The following VSNL1 variants were observed in gnomAD, a reference collection of about 807,000 sequenced individuals.
VSNL1 encodes visinin like 1.
VSNL1 carries 6 observed loss-of-function variants against 20.4 expected under a neutral mutation model. The observed-to-expected ratio is 0.29, with a 90% CI of 0.16 to 0.58. VSNL1 has a LOEUF of 0.58. VSNL1 is among the 20% of genes least tolerant of loss of function. The pLI is 0.90. For missense variants in VSNL1, 100 were observed against 234.5 expected, an observed-to-expected ratio of 0.43 and a Z score of 3.75; for synonymous variants, 93 against 86.4, an observed-to-expected ratio of 1.08 and a Z score of -0.42.
chr2:17,544,418 C>T (rs939830786), intron 1 of VSNL1, among the ~76,000 whole-genome samples: 2 of 152,072 alleles, frequency 1.3e-5, no homozygotes, highest in African/African-American at 2.4e-5. Context: ...TGCAGAGATG[C>T]GGAGATTTGT....
At chr2:17,628,895 C>T (rs1485593783) in intron 2 of VSNL1, among the ~76,000 whole-genome samples, 3 of 152,222 alleles carry the variant, frequency 2.0e-5, no homozygotes, top group African/African-American at 7.2e-5. Flanking sequence ...TGATCTCATT[C>T]TCTCCTCTGC....
upstream of VSNL1, chr2:17,540,674 C>G (rs1017158912): frequency 6.6e-6 from 1 of 152,620 alleles, no homozygotes; most frequent in African/African-American, 2.4e-5. Context: ...TCCAGGGACC[C>G]TAGGTTTTCT....
intron 2 of VSNL1, among the ~76,000 whole-genome samples, chr2:17,614,628 C>G (rs1665173164): frequency 6.6e-6 from 1 of 152,202 alleles, no homozygotes; most frequent in African/African-American, 2.4e-5. Flanking sequence ...GGGTCAGATC[C>G]AGGGCATTTT....
At chr2:17,604,102 C>A (rs185392769) in intron 2 of VSNL1, among the ~76,000 whole-genome samples, 1 of 152,192 alleles carries the variant, frequency 6.6e-6, no homozygotes, top group Non-Finnish European at 1.5e-5. Context: ...AGGTGAGCTG[C>A]GGCCTTGGGA....
chr2:17,649,399 C>T lies in VSNL1; in HGVS notation c.163-11C>T. 6.2e-7 allele frequency: 1 copy of T among 1,613,998 alleles called. No homozygotes were observed. The highest frequency in any genetic ancestry group is 1.3e-5 in the African/African-American group (1 of 75,054). The stretch of plus-strand genomic sequence containing the variant: ...CTCCCGACACCTGACTGCGCGTGTT[C>T]TCCTTTGCAGTTCTTTCCTTATGGA... On this transcript the variant is annotated splice_polypyrimidine_tract_variant and intron_variant, in intron 2 of 3. Coordinates refer to ENST00000295156, the MANE Select transcript of VSNL1 (RefSeq NM_003385.5). This position sits in a 1 kb window ranked among gnomAD's most constrained non-coding sequence, Gnocchi z 6.4.
intron 2 of VSNL1, among the ~76,000 whole-genome samples, chr2:17,608,970 G>C (rs1375810408): frequency 6.6e-6 from 1 of 152,154 alleles, no homozygotes; most frequent in Non-Finnish European, 1.5e-5. Context: ...GTGCGTGTGT[G>C]TCTGATTTTC....
chr2:17,587,469 C>T (rs1230840430), intron 1 of VSNL1, among the ~76,000 whole-genome samples: 2 of 152,094 alleles, frequency 1.3e-5, no homozygotes, highest in Non-Finnish European at 2.9e-5. Flanking sequence ...CTTCTTGGCT[C>T]CCTTGTAGGC....
chr2:17,548,373 C>T (rs1663448131), intron 1 of VSNL1, among the ~76,000 whole-genome samples: 1 of 152,058 alleles, frequency 6.6e-6, no homozygotes. Context: ...AAAAGGACAT[C>T]TTTTTCTCTT....
intron 1 of VSNL1, among the ~76,000 whole-genome samples, chr2:17,556,920 T>A (rs944632961): frequency 4.6e-5 from 7 of 152,204 alleles, no homozygotes; most frequent in Non-Finnish European, 8.8e-5. Flanking sequence ...GTTTAGTCAT[T>A]CAAGGTCTTT....
Position 17,655,471 on chromosome 2 carries a change from ACAC to A in VSNL1, c.*78_*80del, listed in dbSNP as rs1274984243. 2 of 972,424 alleles carry A rather than the reference ACAC, an allele frequency of 2.1e-6. No homozygotes were observed. The highest frequency in any genetic ancestry group is 3.0e-6 in the Non-Finnish European group (2 of 659,020). The allele number at this position is 972,424 out of a possible 1,614,324, so 60.2% of individuals were successfully genotyped here. ...TGCAGCTATTCACACACACACACAC[ACAC>A]ACACACACACACACACACACACACA... On this transcript the variant is annotated 3_prime_UTR_variant, in exon 4 of 4. Transcript: ENST00000295156. This position sits in a 1 kb window ranked among gnomAD's most constrained non-coding sequence, Gnocchi z 5.2.
chr2:17,541,787 G>A (rs918046705), intron 1 of VSNL1: 1 of 152,204 alleles, frequency 6.6e-6, no homozygotes, highest in African/African-American at 2.4e-5. Flanking sequence ...TCTTTGCAAG[G>A]TCAAACCCCG....
chr2:17,632,481 A>G lies in VSNL1; in HGVS notation c.163-16929A>G, dbSNP rs937632262. 2.6e-5 allele frequency among the ~76,000 whole-genome samples: 4 copies of G among 151,898 alleles called. No individual in the cohort carries two copies. The East Asian group carries it at 7.7e-4, about 29-fold the overall frequency. ...ACACCCAGCTAATTTTTGTATTTTT[A>G]GTAGAGATGGAGTTTCACCATGTTG... On this transcript the variant is annotated intron_variant, in intron 2 of 3. Coordinates refer to ENST00000295156, the MANE Select transcript of VSNL1 (RefSeq NM_003385.5).
At chr2:17,554,373 T>C (rs1421557400) in intron 1 of VSNL1, among the ~76,000 whole-genome samples, 1 of 152,210 alleles carries the variant, frequency 6.6e-6, no homozygotes, top group African/African-American at 2.4e-5. Flanking sequence ...TAAAGTCATT[T>C]ATTTGAATTT....
chr2:17,635,540 A>G (rs1665730742), intron 2 of VSNL1, among the ~76,000 whole-genome samples: 1 of 152,174 alleles, frequency 6.6e-6, no homozygotes, highest in South Asian at 2.1e-4. Context: ...GAGGCAAAGA[A>G]TATTAGCACC....
chr2:17,631,733 T>G (rs2103412478), intron 2 of VSNL1, among the ~76,000 whole-genome samples: 1 of 152,360 alleles, frequency 6.6e-6, no homozygotes, highest in African/African-American at 2.4e-5. Context: ...GTCATATATT[T>G]AAAGCCAGTG....
At chr2:17,565,662 CTG>C (rs1431258317) in intron 1 of VSNL1, among the ~76,000 whole-genome samples, 3 of 152,122 alleles carry the variant, frequency 2.0e-5, no homozygotes, top group Admixed American at 6.5e-5. Flanking sequence ...TTCAATAAAA[CTG>C]TGTTAGGATA....
intron 2 of VSNL1, among the ~76,000 whole-genome samples, chr2:17,646,646 CT>C (rs1666003672): frequency 6.6e-6 from 1 of 152,150 alleles, no homozygotes; most frequent in African/African-American, 2.4e-5. Flanking sequence ...CCTCAAAGTT[CT>C]TTGTATCTGT....
chr2:17,559,722 T>C (rs1663769719), intron 1 of VSNL1, among the ~76,000 whole-genome samples: 2 of 152,164 alleles, frequency 1.3e-5, no homozygotes, highest in South Asian at 4.1e-4. Flanking sequence ...AGGGCAAAAA[T>C]CTAGCAATGA....
intron 2 of VSNL1, among the ~76,000 whole-genome samples, chr2:17,611,531 G>T (rs765931399): frequency 7.2e-5 from 11 of 152,228 alleles, no homozygotes; most frequent in Non-Finnish European, 1.3e-4. Flanking sequence ...ACATATGACT[G>T]CTGTGGGGAT....
Sources: gnomAD v4.1 joint callset for allele counts (sites outside exome capture counted in the v4.1 genomes callset) on GRCh38, gnomAD v4.1.1 for gene constraint, Gnocchi (gnomAD v3.1) non-coding constraint, MANE v1.5 for transcripts, NCBI Gene and HGNC (gene_info 2026-07-23, HGNC 2026-07-21) for gene names.